The following HEG1 variants were observed in gnomAD, a reference collection of about 807,000 sequenced individuals.
HEG1 encodes the protein heart development protein with EGF like domains 1, also known as protein HEG homolog 1.
HEG1 carries 56 observed loss-of-function variants against 125.6 expected under a neutral mutation model. The observed-to-expected ratio is 0.45, with a 90% CI of 0.36 to 0.56. The LOEUF (loss-of-function observed/expected upper bound fraction) is 0.56, where lower values mean the gene tolerates loss of function less well. Among genes scored for constraint, HEG1 ranks in the 20% least tolerant of loss-of-function variants. HEG1 has a pLI of 0.00. For synonymous variants in HEG1, 644 were observed against 668.5 expected, an observed-to-expected ratio of 0.96 and a Z score of 0.57; for missense variants, 1,523 against 1,670.0, an observed-to-expected ratio of 0.91 and a Z score of 1.53.
At chr3:125,020,024 A>G (rs1937312392) in intron 4 of HEG1, among the ~76,000 whole-genome samples, 1 of 152,274 alleles carries the variant, frequency 6.6e-6, no homozygotes, top group Non-Finnish European at 1.5e-5. Flanking sequence ...TAGCAAAAAC[A>G]AAAATCAATT....
At chr3:124,987,407 GCTCT>G (rs542726275) in intron 14 of HEG1, among the ~76,000 whole-genome samples, 44 of 151,950 alleles carry the variant, frequency 2.9e-4, no homozygotes, top group African/African-American at 8.7e-4. Context: ...TGTCTCACTG[GCTCT>G]CTCTTTCTCT....
At chr3:124,987,080 C>T (rs1293273477) in intron 14 of HEG1, among the ~76,000 whole-genome samples, 2 of 152,138 alleles carry the variant, frequency 1.3e-5, no homozygotes, top group East Asian at 3.9e-4. Context: ...TAGCTCATGC[C>T]TGTAATCCTA....
At chr3:124,971,447 TTTC>T (rs2107685029) in intron 16 of HEG1, among the ~76,000 whole-genome samples, 1 of 130,154 alleles carries the variant, frequency 7.7e-6, no homozygotes, top group African/African-American at 3.2e-5. Flanking sequence ...TTTCTTTCTT[TTTC>T]TTTTTTTACC....
In HEG1 at chr3:125,019,333, C is replaced by G. The variant is rs1407518162; in HGVS notation, c.1517G>C (p.Ser506Thr). ...AGATGTAGATGAAGACTCTGAATAA[C>G]TCCTATCTCCCAATGCTGTGTGACT... ...GGSHTALGDR[S>T]YSESSSTSSS... is the part of the protein sequence containing the mutation. The change falls in exon 5 of 17, where the codon AGT becomes ACT. Residue 506 changes from serine to threonine, a missense_variant. Physicochemically the swap from Ser to Thr is moderately conservative, Grantham distance 58. Coordinates refer to ENST00000311127, the MANE Select transcript of HEG1 (RefSeq NM_020733.2). The G allele has an allele frequency of 1.9e-6, 3 of 1,613,980 alleles. No individual in the cohort carries two copies. The highest frequency in any genetic ancestry group is 1.7e-5 in the Admixed American group (1 of 60,028).
At chr3:125,001,428 G>A (rs1387154914) in intron 11 of HEG1, among the ~76,000 whole-genome samples, 2 of 152,088 alleles carry the variant, frequency 1.3e-5, no homozygotes, top group East Asian at 1.9e-4. Flanking sequence ...ACAGGTGTGA[G>A]CCACTGCCTC....
At chr3:125,016,456 G>A (rs1579420299) in intron 5 of HEG1, among the ~76,000 whole-genome samples, 1 of 152,124 alleles carries the variant, frequency 6.6e-6, no homozygotes, top group Non-Finnish European at 1.5e-5. Flanking sequence ...GCAGAGAAGC[G>A]GGTACTGAAG....
intron 2 of HEG1, among the ~76,000 whole-genome samples, chr3:125,027,872 T>G (rs149351520): frequency 6.1e-4 from 93 of 152,320 alleles, no homozygotes; most frequent in Middle Eastern, 3.4e-3. Flanking sequence ...AATATCTGGG[T>G]GACCAAGAGG....
At chr3:125,010,820 G>A (rs1253916038) in intron 6 of HEG1, among the ~76,000 whole-genome samples, 2 of 152,176 alleles carry the variant, frequency 1.3e-5, no homozygotes, top group African/African-American at 4.8e-5. Flanking sequence ...CTGCTTACAG[G>A]TCACTCCATT....
chr3:124,987,952 C>CACACACACACACACATATATATAT, intron 14 of HEG1, among the ~76,000 whole-genome samples: 2 of 54,700 alleles, frequency 3.7e-5, no homozygotes, highest in African/African-American at 9.5e-5. Flanking sequence ...CACACACACA[C>CACACACACACACACATATATATAT]ATATATATAT....
chr3:125,036,722 A>G (rs751756151), intron 1 of HEG1, among the ~76,000 whole-genome samples: 10 of 152,262 alleles, frequency 6.6e-5, no homozygotes, highest in Admixed American at 2.0e-4. Context: ...ATTGTTGAAA[A>G]GCATGGAAAT....
intron 3 of HEG1, among the ~76,000 whole-genome samples, chr3:125,024,210 T>C (rs1937382127): frequency 6.6e-6 from 1 of 152,198 alleles, no homozygotes; most frequent in South Asian, 2.1e-4. Flanking sequence ...TTGAAGGCAT[T>C]TTCCATTATG....
chr3:125,012,387 A>G (rs552139472), intron 6 of HEG1, among the ~76,000 whole-genome samples: 1 of 152,352 alleles, frequency 6.6e-6, no homozygotes, highest in South Asian at 2.1e-4. Flanking sequence ...TGGCCAATGC[A>G]TCCTTTCCTC....
chr3:125,039,374 G>A (rs976027411), intron 1 of HEG1, among the ~76,000 whole-genome samples: 1 of 152,054 alleles, frequency 6.6e-6, no homozygotes, highest in Non-Finnish European at 1.5e-5. Context: ...AGTTTGCATT[G>A]TTTCTGAGCA....
At chr3:125,009,481 T>A in intron 8 of HEG1, 1 of 353,800 alleles carries the variant, frequency 2.8e-6, no homozygotes, top group Non-Finnish European at 5.2e-6. Context: ...ATCCTATGAT[T>A]TCAACTATGT....
rs763329683 is a variant in HEG1, at chr3:125,012,772, T to C, written c.2807A>G (p.Glu936Gly). The part of the protein sequence containing the change: ...EMTTKLGVTA[E>G]YSPASRSLGT... ...GAGGGAACGTGAAGCTGGGCTGTAC[T>C]CTGCTGTAACGCCAAGCTTTGTGGT... Residue 936 changes from glutamate to glycine, a missense_variant, in exon 6 of 17, where the codon GAG (glutamate) becomes GGG (glycine). Coordinates refer to ENST00000311127, the MANE Select transcript of HEG1 (RefSeq NM_020733.2). 1.9e-6 allele frequency: 3 copies of C among 1,613,952 alleles called. No individual in the cohort carries two copies. In the Admixed American group the frequency reaches 5.0e-5, roughly 27 times the overall value.
intron 16 of HEG1, 82 bp downstream of exon 16, chr3:124,973,648 GC>G: frequency 9.0e-7 from 1 of 1,115,898 alleles, no homozygotes; most frequent in Non-Finnish European, 1.3e-6. Flanking sequence ...TAACTGTAAT[GC>G]TTTTACTACA....
At position 124,967,565 on chromosome 3, in the gene HEG1, T is replaced by C. The variant is rs1936339534; in HGVS notation, c.*3087A>G. 6.6e-6 allele frequency: 1 copy of C among 151,982 alleles called. No individual in the cohort carries two copies. Among genetic ancestry groups the C allele is most frequent in the Non-Finnish European group, 1.5e-5 (1 of 67,984 alleles). 9.4% of individuals were successfully genotyped at this position (151,982 alleles called of 1,614,324 possible). A position where few individuals can be genotyped will look rare whatever the true frequency, so the allele number is the denominator to read the frequency against. On this transcript the variant is annotated 3_prime_UTR_variant, in exon 17 of 17. Coordinates refer to ENST00000311127, the MANE Select transcript of HEG1 (RefSeq NM_020733.2). ...CTTATCTTTAAAGCCCTTTCTCTCTTGCCCTCTTTGATATTTAAGGTATAC... is the reference window on the plus strand; with the variant it reads ...CTTATCTTTAAAGCCCTTTCTCTCTCGCCCTCTTTGATATTTAAGGTATAC...
chr3:124,985,778 T>C (rs1356786967), intron 14 of HEG1, among the ~76,000 whole-genome samples: 1 of 152,136 alleles, frequency 6.6e-6, no homozygotes, highest in Non-Finnish European at 1.5e-5. Flanking sequence ...CCTTTCCAGA[T>C]ATTTATTCGT....
chr3:125,038,472 C>T lies in HEG1; in HGVS notation c.317-8984G>A, dbSNP rs192333751. Among the ~76,000 whole-genome samples the T allele has an allele frequency of 2.9e-3, 437 of 152,320 alleles. 3 individuals are homozygous for T. Among genetic ancestry groups the T allele is most frequent in the African/African-American group, 9.7e-3 (403 of 41,564 alleles). On this transcript the variant is annotated intron_variant, in intron 1 of 16. Transcript: ENST00000311127. The stretch of plus-strand genomic sequence containing the variant: ...TCCTTGGAAAGGGATTAATAAACCA[C>T]ATAGCTGGAGCAGGCAACACCCCCA...
Sources: allele counts gnomAD v4.1 joint callset (sites outside exome capture counted in the v4.1 genomes callset), GRCh38; gene constraint gnomAD v4.1.1; transcripts MANE v1.5; gene names NCBI Gene and HGNC (gene_info 2026-07-23, HGNC 2026-07-21).